Variants in ARNT observed in about 807,000 individuals in gnomAD.
The protein encoded by ARNT is class E basic helix-loop-helix protein 2.
ARNT carries 30 observed loss-of-function variants against 105.0 expected under a neutral mutation model. The ratio of observed to expected loss-of-function variants is 0.29; its 90% CI spans 0.21 to 0.39. The LOEUF is 0.39. Ranked by LOEUF, ARNT falls within the 10% of genes least tolerant of loss-of-function variation. The pLI is 1.00. For synonymous variants in ARNT, 304 were observed against 344.0 expected (o/e 0.88, Z 1.29); for missense variants, 748 against 978.7 (o/e 0.76, Z 3.15).
intron 2 of ARNT, among the ~76,000 whole-genome samples, chr1:150,853,817 T>C (rs587609883): frequency 1.3e-5 from 2 of 152,308 alleles, no homozygotes; most frequent in East Asian, 1.9e-4. Flanking sequence ...AACAATAAAA[T>C]AGACCAATCC....
At chr1:150,859,457 C>T (rs1665210853) in intron 1 of ARNT, among the ~76,000 whole-genome samples, 1 of 151,892 alleles carries the variant, frequency 6.6e-6, no homozygotes, top group African/African-American at 2.4e-5. Flanking sequence ...AGTGATCCTC[C>T]TGTCTCAGCT....
intron 2 of ARNT, among the ~76,000 whole-genome samples, chr1:150,856,743 A>G (rs1339417681): frequency 1.3e-5 from 2 of 152,108 alleles, no homozygotes; most frequent in Non-Finnish European, 2.9e-5. Context: ...AGCCTGGCAA[A>G]AGAGCAAGAC....
chr1:150,827,660 A>G (rs760026864), intron 12 of ARNT, among the ~76,000 whole-genome samples: 1 of 152,192 alleles, frequency 6.6e-6, no homozygotes, highest in Non-Finnish European at 1.5e-5. Flanking sequence ...ATGGGTGAAC[A>G]TGTTTTCATT....
chr1:150,832,228 G>A, intron 9 of ARNT, 106 bp downstream of exon 9: 1 of 1,162,200 alleles, frequency 8.6e-7, no homozygotes. Flanking sequence ...GGTAAGGGAT[G>A]CAAGTGAGAG....
intron 2 of ARNT, among the ~76,000 whole-genome samples, 198 bp downstream of exon 2, chr1:150,858,151 G>A (rs587607515): frequency 2.6e-5 from 4 of 152,210 alleles, no homozygotes; most frequent in Middle Eastern, 3.4e-3. Flanking sequence ...AACTGCTTAC[G>A]GGAAACTTGG....
chr1:150,858,118 C>A (rs189037827), intron 2 of ARNT, among the ~76,000 whole-genome samples: 2 of 152,030 alleles, frequency 1.3e-5, no homozygotes, highest in Admixed American at 6.6e-5. Flanking sequence ...CTTTATCTTA[C>A]GGAAATTTTG....
At chr1:150,838,034 G>A (rs753397509) in intron 6 of ARNT, among the ~76,000 whole-genome samples, 5 of 152,014 alleles carry the variant, frequency 3.3e-5, no homozygotes, top group South Asian at 4.1e-4. Flanking sequence ...TTAAGTAGTC[G>A]CCCTGCTTTC....
chr1:150,828,801 G>A (rs1034157159), intron 12 of ARNT, among the ~76,000 whole-genome samples: 2 of 151,956 alleles, frequency 1.3e-5, no homozygotes, highest in African/African-American at 4.8e-5. Context: ...TAGCTATACT[G>A]GTATAACTAA....
At chr1:150,875,642 A>G (rs896413867) in intron 1 of ARNT, among the ~76,000 whole-genome samples, 1 of 152,246 alleles carries the variant, frequency 6.6e-6, no homozygotes, top group African/African-American at 2.4e-5. Context: ...CTAAAGAGGA[A>G]TAACTGTAAC....
chr1:150,825,745 G>A (rs1009266165), intron 13 of ARNT, among the ~76,000 whole-genome samples: 7 of 151,522 alleles, frequency 4.6e-5, no homozygotes, highest in Non-Finnish European at 7.4e-5. Flanking sequence ...GCTACTCGGG[G>A]GGCTGAAACA....
At chr1:150,864,167 A>G (rs1039914544) in intron 1 of ARNT, among the ~76,000 whole-genome samples, 3 of 152,190 alleles carry the variant, frequency 2.0e-5, no homozygotes, top group Admixed American at 6.5e-5. Context: ...GTATCTAAAC[A>G]TAGAAAAAGT....
chr1:150,833,996 A>G (rs1659818882), intron 8 of ARNT, among the ~76,000 whole-genome samples: 1 of 150,672 alleles, frequency 6.6e-6, no homozygotes, highest in Non-Finnish European at 1.5e-5. Flanking sequence ...GTGTAATGGC[A>G]CAATCTCGGC....
At chr1:150,839,868 A>C (rs1660967144) in intron 5 of ARNT, among the ~76,000 whole-genome samples, 2 of 152,180 alleles carry the variant, frequency 1.3e-5, no homozygotes, top group African/African-American at 4.8e-5. Flanking sequence ...ACAAGAAGAT[A>C]ATGTAATTCC....
chr1:150,842,924 T>A (rs587648370), intron 4 of ARNT, among the ~76,000 whole-genome samples: 2 of 152,268 alleles, frequency 1.3e-5, no homozygotes, highest in South Asian at 4.1e-4. Context: ...CATGTGCTAT[T>A]CTATAATGAA....
intron 12 of ARNT, among the ~76,000 whole-genome samples, chr1:150,828,521 G>A (rs938722676): frequency 2.0e-5 from 3 of 152,136 alleles, no homozygotes; most frequent in Admixed American, 6.5e-5. Context: ...ACACCACAGT[G>A]TCTTGGTAAT....
intron 1 of ARNT, among the ~76,000 whole-genome samples, chr1:150,875,530 T>C (rs955389743): frequency 6.6e-5 from 10 of 152,232 alleles, no homozygotes; most frequent in African/African-American, 1.2e-4. Context: ...AGGCCCTTTT[T>C]AAGGCTATCA....
chr1:150,829,148 C>G lies in ARNT; in HGVS notation c.1112G>C (p.Gly371Ala). The change falls in exon 12 of 22, where the codon GGT becomes GCT. Residue 371 changes from glycine to alanine, a missense_variant. Around this residue, in one of 4 missense-constraint regions of ARNT, gnomAD observed 291 missense variants for 444.6 expected, o/e 0.65. Coordinates refer to ENST00000358595, the MANE Select transcript of ARNT (RefSeq NM_001668.4). Reference protein sequence around the residue: ...TEFISRHNIEGIFTFVDHRCV... With the variant: ...TEFISRHNIEAIFTFVDHRCV... ...GCGGTGATCCACAAAAGTGAAGATA[C>G]CCTCAATGTTGTGTCGGGAGATGAA... The G allele has an allele frequency of 1.2e-6, 2 of 1,614,132 alleles. No individual in the cohort carries two copies. The highest frequency in any genetic ancestry group is 1.7e-6 in the Non-Finnish European group (2 of 1,180,008).
At chr1:150,826,647 T>C in intron 12 of ARNT, 30 bp from the exon 13 acceptor site, 3 of 1,525,570 alleles carry the variant, frequency 2.0e-6, no homozygotes, top group Non-Finnish European at 2.7e-6. Flanking sequence ...GTAAGATATA[T>C]ACTTTTTTTT....
At chr1:150,863,914 TAAC>T (rs1666095993) in intron 1 of ARNT, among the ~76,000 whole-genome samples, 1 of 152,208 alleles carries the variant, frequency 6.6e-6, no homozygotes, top group South Asian at 2.1e-4. Context: ...ATGTATCACT[TAAC>T]AACAGGGATA....
Sources: gnomAD v4.1 joint callset for allele counts (sites outside exome capture counted in the v4.1 genomes callset) on GRCh38, gnomAD v4.1.1 for gene constraint, gnomAD v4.1.1 regional missense constraint, MANE v1.5 for transcripts, NCBI Gene and HGNC (gene_info 2026-07-23, HGNC 2026-07-21) for gene names.